The following PCDH11X variants were observed in gnomAD, a reference collection of about 807,000 sequenced individuals.
The protein encoded by PCDH11X is protocadherin 11 X-linked.
A neutral mutation model predicts 53.3 loss-of-function variants in PCDH11X; 18 were observed. The ratio of observed to expected loss-of-function variants is 0.34; its 90% CI spans 0.23 to 0.50. PCDH11X has a LOEUF of 0.50. PCDH11X is among the 20% of genes least tolerant of loss of function. PCDH11X has a pLI of 0.98. For synonymous variants in PCDH11X, 279 were observed against 393.3 expected (o/e 0.71, Z 3.44); for missense variants, 570 against 1,032.4 (o/e 0.55, Z 6.14).
At position 92,149,666 on chromosome X, in the gene PCDH11X, C is replaced by T. The variant is rs150812645; in HGVS notation, c.3034-51709C>T. 6.4e-3 allele frequency among the ~76,000 whole-genome samples: 709 copies of T among 110,573 alleles called. 6 individuals are homozygous for T. Among genetic ancestry groups the T allele is most frequent in the African/African-American group, 9.2e-3 (279 of 30,448 alleles). On this transcript the variant is annotated intron_variant, in intron 6 of 10. Transcript: ENST00000682573. Reference sequence around the variant, plus strand: ...GTACAATTTGCTCAGTTTTGACATACGTGAAAACATTGCCATAGTCATGAT... The same window carrying T: ...GTACAATTTGCTCAGTTTTGACATATGTGAAAACATTGCCATAGTCATGAT...
intron 5 of PCDH11X, among the ~76,000 whole-genome samples, chrX:91,869,368 A>G (rs1939156156): frequency 9.0e-6 from 1 of 111,110 alleles, no homozygotes; most frequent in African/African-American, 3.3e-5. Flanking sequence ...CAGTGAAAAA[A>G]TCATTGAACT....
chrX:92,179,846 A>C (rs1035123807), intron 6 of PCDH11X, among the ~76,000 whole-genome samples: 2 of 111,973 alleles, frequency 1.8e-5, no homozygotes, highest in African/African-American at 6.5e-5. Flanking sequence ...AGCAATCAGC[A>C]GTAGAGTACT....
chrX:92,019,759 A>C (rs35772939), intron 6 of PCDH11X, among the ~76,000 whole-genome samples: 1 of 112,416 alleles, frequency 8.9e-6, no homozygotes, highest in African/African-American at 3.2e-5. Context: ...CAATTTAAAA[A>C]GATCTCAGTG....
At chrX:91,844,221 A>T (rs1389424379) in intron 5 of PCDH11X, among the ~76,000 whole-genome samples, 1 of 111,337 alleles carries the variant, frequency 9.0e-6, no homozygotes, top group African/African-American at 3.3e-5. Context: ...TTATGTATGT[A>T]TACAGAGAAA....
intron 5 of PCDH11X, among the ~76,000 whole-genome samples, chrX:91,861,869 T>G (rs1938695069): frequency 9.0e-6 from 1 of 111,612 alleles, no homozygotes; most frequent in Middle Eastern, 4.6e-3. Flanking sequence ...CACTCCACCG[T>G]GCTTTTCTCT....
intron 10 of PCDH11X, among the ~76,000 whole-genome samples, chrX:92,503,739 C>T (rs2074002551): frequency 9.1e-6 from 1 of 110,322 alleles, no homozygotes; most frequent in Admixed American, 9.7e-5. Context: ...TGGGGAAGAG[C>T]ATCAGGAAGA....
intron 6 of PCDH11X, among the ~76,000 whole-genome samples, chrX:92,116,946 T>C (rs2064651835): frequency 1.8e-5 from 2 of 108,615 alleles, no homozygotes; most frequent in Admixed American, 2.0e-4. Context: ...TTATATAGTA[T>C]GTAGAATACC....
chrX:92,267,864 G>A (rs1446345301), intron 8 of PCDH11X, among the ~76,000 whole-genome samples: 1 of 112,058 alleles, frequency 8.9e-6, no homozygotes, highest in Non-Finnish European at 1.9e-5. Context: ...GGCATCACAT[G>A]GTGTGAAGGC....
chrX:92,103,458 C>T (rs1006316188), intron 6 of PCDH11X, among the ~76,000 whole-genome samples: 3 of 111,167 alleles, frequency 2.7e-5, no homozygotes, highest in Non-Finnish European at 5.7e-5. Context: ...TAAAGCTCGG[C>T]GTCCGTGATG....
chrX:92,165,675 A>G (rs990622861), intron 6 of PCDH11X, among the ~76,000 whole-genome samples: 5 of 111,681 alleles, frequency 4.5e-5, no homozygotes, highest in African/African-American at 1.6e-4. Flanking sequence ...GCAATTTAAA[A>G]CTGGTCCATG....
chrX:92,089,701 T>A (rs1169430210), intron 6 of PCDH11X, among the ~76,000 whole-genome samples: 8 of 104,162 alleles, frequency 7.7e-5, no homozygotes, highest in Non-Finnish European at 1.6e-4. Flanking sequence ...TTTTGTATTT[T>A]TAGTAGAGAC....
At chrX:91,961,614 G>A (rs2061789007) in intron 6 of PCDH11X, among the ~76,000 whole-genome samples, 1 of 109,193 alleles carries the variant, frequency 9.2e-6, no homozygotes, top group African/African-American at 3.4e-5. Flanking sequence ...AAGTCACAGG[G>A]TACAAAATCA....
chrX:92,018,313 A>G (rs1386399995), intron 6 of PCDH11X, among the ~76,000 whole-genome samples: 1 of 112,273 alleles, frequency 8.9e-6, no homozygotes, highest in East Asian at 2.8e-4. Context: ...AAATAGTTAT[A>G]AGAACAAAAA....
chrX:91,808,798 G>A (rs1237222421), intron 1 of PCDH11X, among the ~76,000 whole-genome samples: 1 of 110,381 alleles, frequency 9.1e-6, no homozygotes, highest in African/African-American at 3.3e-5. Flanking sequence ...CTGCACTTAC[G>A]GTAGCTGTCT....
intron 10 of PCDH11X, among the ~76,000 whole-genome samples, chrX:92,529,176 T>A (rs2074511748): frequency 8.9e-6 from 1 of 111,935 alleles, no homozygotes; most frequent in Non-Finnish European, 1.9e-5. Flanking sequence ...TAGGCAGTGA[T>A]TAGTGAGCAA....
In PCDH11X at chrX:92,026,290, A is replaced by G. The variant is rs193179321; in HGVS notation, c.3033+147017A>G. On this transcript the variant is annotated intron_variant, in intron 6 of 10. Transcript: ENST00000682573. ...CCATAAATGAAGTTTTATTAGAACA[A>G]AGCCACAGCCATTCATTTATGTAAT... 4.7e-3 allele frequency among the ~76,000 whole-genome samples: 518 copies of G among 110,328 alleles called. 1 individual carries two copies. Among genetic ancestry groups the G allele is most frequent in the African/African-American group, 0.016 (492 of 30,272 alleles).
chrX:91,808,368 G>A (rs1474186919), intron 1 of PCDH11X, among the ~76,000 whole-genome samples: 2 of 109,271 alleles, frequency 1.8e-5, no homozygotes, highest in African/African-American at 6.7e-5. Flanking sequence ...GGTGACGGGT[G>A]CCTGTAATCC....
intron 6 of PCDH11X, among the ~76,000 whole-genome samples, chrX:92,005,174 T>A (rs1400706358): frequency 9.0e-6 from 1 of 110,936 alleles, no homozygotes; most frequent in Non-Finnish European, 1.9e-5. Context: ...ATTGGAGAAT[T>A]CAGTCTATTT....
chrX:92,587,673 A>G (rs1924544372), intron 10 of PCDH11X, among the ~76,000 whole-genome samples: 1 of 108,827 alleles, frequency 9.2e-6, no homozygotes, highest in Non-Finnish European at 1.9e-5. Flanking sequence ...ATTTTTTCTG[A>G]CTTCTTCTCA....
Sources: allele counts gnomAD v4.1 joint callset (sites outside exome capture counted in the v4.1 genomes callset), GRCh38; gene constraint gnomAD v4.1.1; transcripts MANE v1.5; gene names NCBI Gene and HGNC (gene_info 2026-07-23, HGNC 2026-07-21).